Variants in OSBPL9 observed in about 807,000 individuals in gnomAD.
OSBPL9 encodes the protein oxysterol-binding protein-related protein 9.
A neutral mutation model predicts 106.6 loss-of-function variants in OSBPL9; 40 were observed. The ratio of observed to expected loss-of-function variants is 0.38; its 90% confidence interval spans 0.29 to 0.49. The LOEUF is 0.49. OSBPL9 is among the 20% of genes least tolerant of loss of function. The pLI is 0.97. For synonymous variants in OSBPL9, 269 were observed against 295.4 expected (o/e 0.91, Z 0.92); for missense variants, 609 against 887.2 (o/e 0.69, Z 3.98).
intron 4 of OSBPL9, chr1:51,730,104 T>C (rs1475110900): frequency 8.8e-6 from 11 of 1,252,610 alleles, no homozygotes; most frequent in African/African-American, 1.5e-5. Flanking sequence ...TCACCCTGCC[T>C]CCTTCCCGCC....
rs771254625 is a variant in OSBPL9, at chr1:51,745,571, T to C, written c.354T>C (p.Asp118=). 4 of 1,608,856 alleles carry C rather than the reference T, an allele frequency of 2.5e-6. No individual in the cohort carries two copies. Among genetic ancestry groups the C allele is most frequent in the Non-Finnish European group, 2.5e-6 (3 of 1,178,416 alleles). ...CAGGATTTGTTCCTAGTGTCCAAGA[T>C]TTTGATAAGAAACTTACAGAAGCTG... ...LDSGFVPSVQ[D]FDKKLTEADA... The change falls in exon 5 of 24, where the codon GAT becomes GAC. Residue 118 remains aspartate, a synonymous_variant. Transcript: ENST00000428468.
chr1:51,538,248 C>T, the OSBPL9 span, among the ~76,000 whole-genome samples: 7 of 151,866 alleles, frequency 4.6e-5, no homozygotes, highest in Non-Finnish European at 8.8e-5. Flanking sequence ...GCCAAGATCA[C>T]GCCACTGCAC....
the OSBPL9 span, among the ~76,000 whole-genome samples, chr1:51,530,193 C>CAAAAAAAAA: frequency 9.0e-5 from 5 of 55,666 alleles, no homozygotes; most frequent in Non-Finnish European, 1.6e-4. Context: ...AAAAAAAAAA[C>CAAAAAAAAA]AAAAAAAAAA....
At chr1:51,765,019 C>G (rs999816920) in intron 11 of OSBPL9, among the ~76,000 whole-genome samples, 1 of 152,114 alleles carries the variant, frequency 6.6e-6, no homozygotes, top group East Asian at 1.9e-4. Flanking sequence ...GACTGACAGC[C>G]CTTAAATGCT....
chr1:51,768,219 G>T (rs532882951), intron 12 of OSBPL9, among the ~76,000 whole-genome samples: 10 of 151,822 alleles, frequency 6.6e-5, no homozygotes, highest in African/African-American at 2.2e-4. Flanking sequence ...GGGATTACAG[G>T]CATGAGCCAC....
chr1:51,549,635 C>A, the OSBPL9 span, among the ~76,000 whole-genome samples: 1 of 149,746 alleles, frequency 6.7e-6, no homozygotes, highest in African/African-American at 2.6e-5. Context: ...AGTTAGGGAC[C>A]AGCCTGGCCA....
chr1:51,715,716 T>C (rs903356475), intron 4 of OSBPL9, among the ~76,000 whole-genome samples: 6 of 152,262 alleles, frequency 3.9e-5, no homozygotes, highest in African/African-American at 1.4e-4. Context: ...TTTCTGCCAC[T>C]ATACCCCTAC....
chr1:51,748,662 G>A (rs1255742805), intron 7 of OSBPL9, among the ~76,000 whole-genome samples: 5 of 152,130 alleles, frequency 3.3e-5, no homozygotes, highest in South Asian at 2.1e-4. Context: ...TGTCTTCCAC[G>A]CACAGTGGAT....
chr1:51,530,471 A>T, the OSBPL9 span, among the ~76,000 whole-genome samples: 1 of 151,154 alleles, frequency 6.6e-6, no homozygotes, highest in Non-Finnish European at 1.5e-5. Context: ...AGACAAATAA[A>T]CCAGGCATGG....
At chr1:51,690,314 T>C (rs1261495428) in intron 3 of OSBPL9, among the ~76,000 whole-genome samples, 1 of 152,238 alleles carries the variant, frequency 6.6e-6, no homozygotes, top group African/African-American at 2.4e-5. Context: ...TTGGTTTTCA[T>C]TGTCTGCTTT....
chr1:51,607,153 C>CTTTACTT (rs1557582737), intron 2 of OSBPL9, among the ~76,000 whole-genome samples: 1 of 148,812 alleles, frequency 6.7e-6, no homozygotes, highest in African/African-American at 2.5e-5. Context: ...TTTTTCTTTT[C>CTTTACTT]TTTTCTTTTT....
chr1:51,645,518 G>T (rs966306212), intron 1 of OSBPL9, among the ~76,000 whole-genome samples: 2 of 151,238 alleles, frequency 1.3e-5, no homozygotes, highest in Admixed American at 1.3e-4. Context: ...TCATTCTGTT[G>T]CCCAGGCTAT....
the OSBPL9 span, among the ~76,000 whole-genome samples, chr1:51,541,010 A>G: frequency 6.6e-6 from 1 of 151,516 alleles, no homozygotes; most frequent in Non-Finnish European, 1.5e-5. Flanking sequence ...GCGCACCTGC[A>G]ATCCCAGCTA....
intron 8 of OSBPL9, chr1:51,752,531 T>C: frequency 2.2e-6 from 1 of 456,214 alleles, no homozygotes; most frequent in South Asian, 1.5e-5. Context: ...AATTTGCTCG[T>C]CTTACCACTT....
At chr1:51,782,225 C>T (rs1405048809) in intron 16 of OSBPL9, among the ~76,000 whole-genome samples, 1 of 152,134 alleles carries the variant, frequency 6.6e-6, no homozygotes, top group Non-Finnish European at 1.5e-5. Context: ...ACATGATTCT[C>T]CATATATTTC....
rs530790540 is a variant in OSBPL9 at position 51,686,196 on chromosome 1, C to T, written c.241+16684C>T. 4.6e-5 allele frequency among the ~76,000 whole-genome samples: 7 copies of T among 152,264 alleles called. No homozygotes were observed. The East Asian group carries it at 9.6e-4, about 21-fold the overall frequency. On this transcript the variant is annotated intron_variant, in intron 3 of 23. Transcript: ENST00000428468. ...AAATGCTTACTTCGGGTTCAGTTAA[C>T]GTGCAGGGAGTATAATTCTCCTAGG... is the stretch of plus-strand genomic sequence containing the variant.
intron 4 of OSBPL9, among the ~76,000 whole-genome samples, chr1:51,725,612 T>C (rs1473612232): frequency 2.0e-5 from 3 of 152,170 alleles, no homozygotes. Flanking sequence ...TAGTGAACTT[T>C]TGTCAACTTC....
chr1:51,783,376 G>A (rs1045091850), intron 17 of OSBPL9, among the ~76,000 whole-genome samples: 3 of 145,606 alleles, frequency 2.1e-5, no homozygotes, highest in Admixed American at 6.9e-5. Flanking sequence ...TTTAGAGTCA[G>A]TGTATCACTA....
At chr1:51,622,195 G>T (rs1162953757) in intron 1 of OSBPL9, among the ~76,000 whole-genome samples, 1 of 152,170 alleles carries the variant, frequency 6.6e-6, no homozygotes, top group Non-Finnish European at 1.5e-5. Context: ...GGGGAGAGAA[G>T]TGGTTGCTTT....
Sources: allele counts gnomAD v4.1 joint callset (sites outside exome capture counted in the v4.1 genomes callset), GRCh38; gene constraint gnomAD v4.1.1; transcripts MANE v1.5; gene names NCBI Gene and HGNC (gene_info 2026-07-23, HGNC 2026-07-21).